The following PUS10 variants were observed in gnomAD, a reference collection of about 807,000 sequenced individuals.
PUS10 encodes pseudouridine synthase 10, also known as tRNA pseudouridine synthase Pus10.
In PUS10, 59 loss-of-function variants were observed where a neutral mutation model predicts 75.0. The ratio of observed to expected loss-of-function variants is 0.79; its 90% CI spans 0.64 to 0.98. The LOEUF is 0.98. Ranked by LOEUF, PUS10 falls within the 50% of genes least tolerant of loss-of-function variation. The pLI is 0.00. For synonymous variants in PUS10, 219 were observed against 211.6 expected (o/e 1.03, Z -0.30); for missense variants, 650 against 614.4 (o/e 1.06, Z -0.61).
At position 60,942,292 on chromosome 2, in the gene PUS10, C is replaced by T; in HGVS notation, c.*103G>A. ...AGATCAACATGATCCAAATAGTTTT[C>T]AAGACACCGTTATGGTGGGTAAACA... is the stretch of plus-strand genomic sequence containing the variant. On this transcript the variant is annotated 3_prime_UTR_variant, in exon 18 of 18. Coordinates refer to ENST00000316752, the MANE Select transcript of PUS10 (RefSeq NM_144709.4). The T allele has an allele frequency of 1.1e-6, 1 of 906,134 alleles. No homozygotes were observed. The highest frequency in any genetic ancestry group is 2.2e-4 in the Middle Eastern group (1 of 4,644). The allele number at this position is 906,134 out of a possible 1,614,324, so 56.1% of individuals were successfully genotyped here.
chr2:61,006,149 C>G (rs930228113), intron 4 of PUS10, among the ~76,000 whole-genome samples: 1 of 152,090 alleles, frequency 6.6e-6, no homozygotes, highest in African/African-American at 2.4e-5. Context: ...TTATATTTTA[C>G]TCCAAAGGGA....
chr2:60,963,591 T>A (rs1676162272), intron 8 of PUS10, among the ~76,000 whole-genome samples: 1 of 152,362 alleles, frequency 6.6e-6, no homozygotes, highest in South Asian at 2.1e-4. Flanking sequence ...AAATCACATT[T>A]GACTGAAAAG....
chr2:60,945,721 C>A (rs1293429528), intron 16 of PUS10, among the ~76,000 whole-genome samples: 1 of 152,176 alleles, frequency 6.6e-6, no homozygotes, highest in Non-Finnish European at 1.5e-5. Context: ...AAAGGGGCAA[C>A]TTTGTATTTC....
chr2:60,981,861 A>C (rs759208054), intron 4 of PUS10, among the ~76,000 whole-genome samples: 6 of 152,190 alleles, frequency 3.9e-5, no homozygotes, highest in Non-Finnish European at 7.3e-5. Context: ...AAAGCAAATT[A>C]TTATAAACTA....
intron 4 of PUS10, among the ~76,000 whole-genome samples, chr2:61,001,561 G>A (rs545469500): frequency 6.6e-6 from 1 of 152,302 alleles, no homozygotes; most frequent in East Asian, 1.9e-4. Flanking sequence ...ATAGGCATGA[G>A]CCAACACCCA....
intron 1 of PUS10, among the ~76,000 whole-genome samples, chr2:61,015,756 GATCTGGATCCCTTTTCCCAGCCCATTTA>G (rs1679932529): frequency 1.3e-5 from 2 of 152,084 alleles, no homozygotes; most frequent in African/African-American, 2.4e-5. Flanking sequence ...ATTTACTAGT[GATCTGGATCCCTTTTCCCAGCCCATTTA>G]ATCTACTTTG....
intron 11 of PUS10, among the ~76,000 whole-genome samples, chr2:60,959,808 C>G (rs961209785): frequency 7.9e-5 from 12 of 152,114 alleles, no homozygotes; most frequent in Non-Finnish European, 1.6e-4. Flanking sequence ...GGCCAAGAGG[C>G]CCAGACTTGG....
Position 60,960,525 on chromosome 2 carries a change from A to C in PUS10, c.875-8T>G, listed in dbSNP as rs781716786. The C allele has an allele frequency of 3.2e-6, 5 of 1,566,084 alleles. No individual in the cohort carries two copies. The highest frequency in any genetic ancestry group is 3.4e-6 in the Non-Finnish European group (4 of 1,162,592). On this transcript the variant is annotated splice_polypyrimidine_tract_variant and splice_region_variant and intron_variant, in intron 10 of 17. Transcript: ENST00000316752. ...AGTATTTATTATATCTCCCTGAGAA[A>C]GAAATAATCAGATAGCCTGGATGGA...
intron 4 of PUS10, among the ~76,000 whole-genome samples, chr2:60,989,061 A>G (rs1390653506): frequency 6.6e-6 from 1 of 152,158 alleles, no homozygotes; most frequent in African/African-American, 2.4e-5. Context: ...GAAAGCTAGA[A>G]AGCAGATTGA....
intron 2 of PUS10, chr2:61,010,691 G>C (rs1679542503): frequency 7.6e-7 from 1 of 1,313,794 alleles, no homozygotes; most frequent in African/African-American, 1.5e-5. Flanking sequence ...CCTGTGAGGT[G>C]GGTATTATCA....
intron 16 of PUS10, among the ~76,000 whole-genome samples, chr2:60,945,390 ATTTTAAAAATTAACCATAGCTCAATGC>A (rs1674883367): frequency 6.6e-6 from 1 of 152,182 alleles, no homozygotes; most frequent in Non-Finnish European, 1.5e-5. Flanking sequence ...TTGGATGTGG[ATTTTAAAAATTAACCATAGCTCAATGC>A]TTTTATTAAA....
At position 60,967,516 on chromosome 2, in the gene PUS10, G is replaced by T. The variant is rs767218014; in HGVS notation, c.601C>A (p.Pro201Thr). 47 of 1,595,436 alleles carry T rather than the reference G, an allele frequency of 2.9e-5. 1 individual carries two copies. The South Asian group carries it at 5.2e-4, about 18-fold the overall frequency. Reference protein sequence around the residue: ...HPLFSEELGVPIDGKSLFEVS... With the variant: ...HPLFSEELGVTIDGKSLFEVS... ...TGACCCAATACCTTTCCATCAATGG[G>T]AACACCCAGTTCCTCTGAAAACAGG... The change falls in exon 6 of 18, where the codon CCC becomes ACC. Residue 201 changes from proline to threonine, a missense_variant. By Grantham distance (38) the Pro-to-Thr change is conservative. Coordinates refer to ENST00000316752, the MANE Select transcript of PUS10 (RefSeq NM_144709.4).
chr2:60,951,552 G>A (rs180806671), intron 15 of PUS10, among the ~76,000 whole-genome samples: 185 of 152,214 alleles, frequency 1.2e-3, no homozygotes, highest in Admixed American at 3.5e-3. Context: ...TAGATCCCTC[G>A]CACGTGTCAT....
intron 5 of PUS10, among the ~76,000 whole-genome samples, chr2:60,970,909 G>C (rs1676619123): frequency 6.6e-6 from 1 of 152,160 alleles, no homozygotes; most frequent in African/African-American, 2.4e-5. Context: ...GCTGCATGCT[G>C]TGGCTCGTGC....
Position 61,007,787 on chromosome 2 carries a change from G to GA in PUS10, c.381+973dup, listed in dbSNP as rs1295771942. 5.2e-3 allele frequency among the ~76,000 whole-genome samples: 632 copies of GA among 120,406 alleles called. 2 individuals carry two copies. The highest frequency in any genetic ancestry group is 0.015 in the African/African-American group (490 of 33,048). The allele number at this position is 120,406 out of a possible 152,430, so 79.0% of individuals were successfully genotyped here. A position where few individuals can be genotyped will look rare whatever the true frequency, so the allele number is the denominator to read the frequency against. On this transcript the variant is annotated intron_variant, in intron 3 of 17. Coordinates refer to ENST00000316752, the MANE Select transcript of PUS10 (RefSeq NM_144709.4). ...TCTGTCTCAAAAAAAAAAAAAAACA[G>GA]AAAAAAAAAAGAATTTGGCCGGGCA...
At chr2:60,967,081 A>C in intron 6 of PUS10, 1 of 167,106 alleles carries the variant, frequency 6.0e-6, no homozygotes, top group South Asian at 1.5e-4. Flanking sequence ...TTGAGCCCAT[A>C]CTCATTGTAG....
chr2:60,986,416 A>G lies in PUS10; in HGVS notation c.469-14859T>C, dbSNP rs531395943. On this transcript the variant is annotated intron_variant, in intron 4 of 17. Coordinates refer to ENST00000316752, the MANE Select transcript of PUS10 (RefSeq NM_144709.4). Reference sequence around the variant, plus strand: ...TGAAGGTAAACCTCATTCCCCATAAATGCAACAGCTAAATTTTAGAGGTAT... The same window carrying G: ...TGAAGGTAAACCTCATTCCCCATAAGTGCAACAGCTAAATTTTAGAGGTAT... Among the ~76,000 whole-genome samples the G allele has an allele frequency of 5.3e-5, 8 of 152,302 alleles. No individual in the cohort carries two copies. The South Asian group carries it at 1.4e-3, about 28-fold the overall frequency.
At chr2:61,013,718 C>T (rs371581258) in intron 1 of PUS10, among the ~76,000 whole-genome samples, 1 of 152,112 alleles carries the variant, frequency 6.6e-6, no homozygotes, top group Non-Finnish European at 1.5e-5. Flanking sequence ...GATAGCTTAG[C>T]GGCCAACTAT....
rs574394225 is a variant in PUS10, at chr2:60,971,788, G to A, written c.469-231C>T. 1.4e-4 allele frequency among the ~76,000 whole-genome samples: 22 copies of A among 152,086 alleles called. No homozygotes were observed. The South Asian group carries it at 4.6e-3, about 32-fold the overall frequency. ...TTTACTGTGGCCTAGGAATTCAGCC[G>A]GGGTATCCCCCTCCTCCTTACAGAT... On this transcript the variant is annotated intron_variant, in intron 4 of 17. Transcript: ENST00000316752.
Sources: gnomAD v4.1 joint callset for allele counts (sites outside exome capture counted in the v4.1 genomes callset) on GRCh38, gnomAD v4.1.1 for gene constraint, MANE v1.5 for transcripts, NCBI Gene and HGNC (gene_info 2026-07-23, HGNC 2026-07-21) for gene names.